CACNA1C: variants seen among roughly 807,000 people sequenced by gnomAD.
CACNA1C encodes voltage-dependent L-type calcium channel subunit alpha-1C.
A neutral mutation model predicts 229.0 loss-of-function variants in CACNA1C; 30 were observed. The observed-to-expected ratio is 0.13, with a 90% CI of 0.10 to 0.18. CACNA1C has a LOEUF of 0.18. Among genes scored for constraint, CACNA1C ranks in the 10% least tolerant of loss-of-function variants. The pLI is 1.00. For synonymous variants in CACNA1C, 1,114 were observed against 1,132.5 expected (o/e 0.98, Z 0.33); for missense variants, 1,658 against 2,845.0 (o/e 0.58, Z 9.49).
At chr12:2,682,865 CAAA>C (rs371608268) in intron 43 of CACNA1C, among the ~76,000 whole-genome samples, 187 bp downstream of exon 43, 7 of 372 alleles carry the variant, frequency 0.019, no homozygotes, top group Non-Finnish European at 0.17. Flanking sequence ...ACAACACACA[CAAA>C]CACACACACA....
At chr12:2,301,551 C>T (rs754946117) in intron 3 of CACNA1C, among the ~76,000 whole-genome samples, 8 of 152,152 alleles carry the variant, frequency 5.3e-5, no homozygotes, top group South Asian at 2.1e-4. Context: ...GTCACAAAGA[C>T]GCTCATTGGC....
intron 29 of CACNA1C, among the ~76,000 whole-genome samples, chr12:2,620,825 T>C (rs2082841986): frequency 6.6e-6 from 1 of 152,240 alleles, no homozygotes; most frequent in Admixed American, 6.5e-5. Flanking sequence ...GGGAGCTGTT[T>C]CATGTTCATC....
chr12:2,561,545 C>G (rs1438549213), intron 11 of CACNA1C, among the ~76,000 whole-genome samples: 1 of 152,214 alleles, frequency 6.6e-6, no homozygotes, highest in African/African-American at 2.4e-5. Flanking sequence ...AGACTAGAAG[C>G]ATGCATCGTG....
chr12:2,548,205 C>T (rs1434543388), intron 9 of CACNA1C, among the ~76,000 whole-genome samples: 1 of 152,146 alleles, frequency 6.6e-6, no homozygotes, highest in East Asian at 1.9e-4. Flanking sequence ...CTAAAACCAT[C>T]CCTAAGGGCT....
At chr12:2,170,404 C>T (rs775394521) in intron 3 of CACNA1C, among the ~76,000 whole-genome samples, 16 of 152,256 alleles carry the variant, frequency 1.1e-4, no homozygotes, top group Admixed American at 8.5e-4. Context: ...TAAGCATGAC[C>T]TAAAGAAAAG....
chr12:2,329,883 T>C (rs57592557), intron 3 of CACNA1C, among the ~76,000 whole-genome samples: 18,088 of 152,226 alleles, frequency 0.12, 2,880 homozygotes, highest in African/African-American at 0.37. Context: ...GTGAAGGCCA[T>C]GACAGCTGGA....
At chr12:1,975,021 C>T (rs1341636164) in intron 1 of CACNA1C, among the ~76,000 whole-genome samples, 2 of 152,074 alleles carry the variant, frequency 1.3e-5, no homozygotes, top group Non-Finnish European at 2.9e-5. Flanking sequence ...TGAAAATAGC[C>T]TAACTATAAA....
chr12:2,186,565 A>G (rs2097019108), intron 3 of CACNA1C, among the ~76,000 whole-genome samples: 1 of 152,146 alleles, frequency 6.6e-6, no homozygotes, highest in African/African-American at 2.4e-5. Context: ...TGTGAGACAA[A>G]CTGAGATGTG....
chr12:2,004,446 A>G (rs2042967453), intron 1 of CACNA1C: 1 of 1,600,764 alleles, frequency 6.2e-7, no homozygotes, highest in South Asian at 1.1e-5. Flanking sequence ...CCTCCCTCCC[A>G]GACATAGGCA....
At position 2,605,705 on chromosome 12, in the gene CACNA1C, C is replaced by T. The variant is rs375813950; in HGVS notation, c.3075C>T (p.Ala1025=). 7.3e-5 allele frequency: 118 copies of T among 1,613,918 alleles called. 3 individuals carry two copies. In the South Asian group the frequency reaches 1.0e-3, roughly 14 times the overall value. The change falls in exon 24 of 47, where the codon GCC becomes GCT. Residue 1025 remains alanine (A), a synonymous_variant. Coordinates refer to ENST00000399655, the MANE Select transcript of CACNA1C (RefSeq NM_000719.7). The surrounding 1 kb of genome is among the most constrained non-coding windows in gnomAD (Gnocchi z 6.2). ...LKHVVQCVFV[A]IRTIGNIVIV... ...ATGTGGTTCAGTGTGTGTTTGTCGC[C>T]ATCCGGACCATCGGGAACATCGTGA... is the stretch of plus-strand genomic sequence containing the variant.
chr12:2,516,913 TG>T (rs2099798004), intron 9 of CACNA1C, among the ~76,000 whole-genome samples: 1 of 152,166 alleles, frequency 6.6e-6, no homozygotes, highest in Non-Finnish European at 1.5e-5. Flanking sequence ...ATAAGATCAC[TG>T]GGGTGTGAGT....
chr12:2,417,508 G>A (rs898793406), intron 3 of CACNA1C, among the ~76,000 whole-genome samples: 1 of 152,172 alleles, frequency 6.6e-6, no homozygotes. Context: ...TTCCCAGGAG[G>A]TACGCGCCAA....
intron 3 of CACNA1C, among the ~76,000 whole-genome samples, chr12:2,433,566 G>A (rs756144785): frequency 5.3e-5 from 8 of 152,190 alleles, no homozygotes; most frequent in Non-Finnish European, 7.3e-5. Flanking sequence ...TCTCACTCAT[G>A]AATGTGAGGA....
intron 1 of CACNA1C, among the ~76,000 whole-genome samples, chr12:2,093,189 G>A (rs1399312090): frequency 6.6e-6 from 1 of 152,254 alleles, no homozygotes; most frequent in African/African-American, 2.4e-5. Context: ...ACCAGAGAGT[G>A]TACGTGGGTA....
intron 10 of CACNA1C, among the ~76,000 whole-genome samples, chr12:2,556,301 G>A (rs1011891616): frequency 3.3e-5 from 5 of 152,154 alleles, no homozygotes; most frequent in Non-Finnish European, 7.3e-5. Context: ...CCTCCTCCCT[G>A]TTCCATGACC....
At chr12:2,450,111 G>C (rs374823190) in intron 4 of CACNA1C, among the ~76,000 whole-genome samples, 258 of 152,316 alleles carry the variant, frequency 1.7e-3, no homozygotes, top group African/African-American at 6.0e-3. Context: ...GGTAGAGTCA[G>C]TCTAGGCTTT....
intron 5 of CACNA1C, among the ~76,000 whole-genome samples, chr12:2,477,216 C>G (rs970741343): frequency 6.6e-6 from 1 of 152,158 alleles, no homozygotes; most frequent in African/African-American, 2.4e-5. Flanking sequence ...GTAGTCACAA[C>G]CTGATGATGA....
intron 3 of CACNA1C, among the ~76,000 whole-genome samples, chr12:2,199,848 C>A (rs115397788): frequency 3.9e-4 from 59 of 152,238 alleles, no homozygotes; most frequent in African/African-American, 1.4e-3. Context: ...TATCACTGCA[C>A]TCAGTCTGGG....
chr12:2,509,939 A>T (rs2099779940), intron 8 of CACNA1C, among the ~76,000 whole-genome samples: 1 of 152,198 alleles, frequency 6.6e-6, no homozygotes, highest in Non-Finnish European at 1.5e-5. Context: ...GCATTTGTAG[A>T]TGTGGGATCC....
Sources: allele counts gnomAD v4.1 joint callset (sites outside exome capture counted in the v4.1 genomes callset), GRCh38; gene constraint gnomAD v4.1.1; non-coding constraint Gnocchi (gnomAD v3.1); transcripts MANE v1.5; gene names NCBI Gene and HGNC (gene_info 2026-07-23, HGNC 2026-07-21).